The following WSCD2 variants were observed in gnomAD, a reference collection of about 807,000 sequenced individuals.
WSCD2 encodes sialate:O-sulfotransferase 2.
A neutral mutation model predicts 55.7 loss-of-function variants in WSCD2; 28 were observed. That is an observed-to-expected ratio of 0.50 (90% CI 0.37 to 0.69). WSCD2 has a LOEUF of 0.69. WSCD2 is among the 30% of genes least tolerant of loss of function. WSCD2 has a pLI of 0.00. For missense variants in WSCD2, 616 were observed against 762.1 expected (o/e 0.81, Z 2.26); for synonymous variants, 301 against 301.9 (o/e 1.00, Z 0.03).
intron 2 of WSCD2, among the ~76,000 whole-genome samples, chr12:108,197,392 C>T (rs1884063136): frequency 9.5e-6 from 1 of 105,722 alleles, no homozygotes; most frequent in African/African-American, 4.0e-5. Flanking sequence ...TCTTCAAGAA[C>T]CAATGCTCAC....
In WSCD2 at chr12:108,193,367, T is replaced by G. The variant is rs189219371; in HGVS notation, c.-551-1915T>G. ...AAAGCAGGGACTGTGAATTATTTAT[T>G]CCTGCATCTCAAACACACACATAGT... is the stretch of plus-strand genomic sequence containing the variant. On this transcript the variant is annotated intron_variant, in intron 1 of 8. Coordinates refer to ENST00000547525, the MANE Select transcript of WSCD2 (RefSeq NM_014653.4). Among the ~76,000 whole-genome samples, 44 of 152,364 alleles carry G rather than the reference T, an allele frequency of 2.9e-4. 1 individual carries two copies. The highest frequency in any genetic ancestry group is 1.2e-3 in the Admixed American group (18 of 15,304).
At chr12:108,194,177 TGA>T (rs1345170790) in intron 1 of WSCD2, among the ~76,000 whole-genome samples, 6 of 152,386 alleles carry the variant, frequency 3.9e-5, no homozygotes, top group Admixed American at 3.9e-4. Context: ...TACCATTATC[TGA>T]GAGCACCTGG....
At chr12:108,218,463 G>A (rs960766685) in intron 4 of WSCD2, among the ~76,000 whole-genome samples, 13 of 152,192 alleles carry the variant, frequency 8.5e-5, no homozygotes, top group Non-Finnish European at 1.5e-5. Flanking sequence ...GCTAGGATGG[G>A]TCCCCTGAAG....
At chr12:108,156,420 T>C (rs1565922296) in intron 1 of WSCD2, among the ~76,000 whole-genome samples, 1 of 152,232 alleles carries the variant, frequency 6.6e-6, no homozygotes, top group Admixed American at 6.5e-5. Flanking sequence ...ATCCATGTAC[T>C]GGCTGGTGCA....
chr12:108,215,609 A>T (rs542864010), intron 4 of WSCD2, among the ~76,000 whole-genome samples: 1 of 152,306 alleles, frequency 6.6e-6, no homozygotes, highest in East Asian at 1.9e-4. Flanking sequence ...TGTGTAATTC[A>T]ATCTCTCTCT....
chr12:108,157,051 T>C (rs1215465676), intron 1 of WSCD2, among the ~76,000 whole-genome samples: 1 of 152,202 alleles, frequency 6.6e-6, no homozygotes, highest in African/African-American at 2.4e-5. Context: ...AGCTCACCAA[T>C]GAGCTTTCAA....
At chr12:108,162,313 G>A (rs1249097915) in intron 1 of WSCD2, among the ~76,000 whole-genome samples, 3 of 152,140 alleles carry the variant, frequency 2.0e-5, no homozygotes, top group Non-Finnish European at 4.4e-5. Context: ...TGTTCATAGG[G>A]AGGAGTCACC....
intron 6 of WSCD2, among the ~76,000 whole-genome samples, chr12:108,229,865 G>GAAAAA (rs199775108): frequency 8.5e-6 from 1 of 117,248 alleles, no homozygotes; most frequent in Non-Finnish European, 1.8e-5. Context: ...TTTTGCTCTG[G>GAAAAA]AAAAAAAAAA....
chr12:108,234,424 T>A (rs1396722942), intron 7 of WSCD2, among the ~76,000 whole-genome samples: 1 of 152,246 alleles, frequency 6.6e-6, no homozygotes, highest in East Asian at 1.9e-4. Flanking sequence ...TGGTTGGAGT[T>A]GGCAACGGGT....
chr12:108,199,895 A>G (rs914085710), intron 2 of WSCD2, among the ~76,000 whole-genome samples: 2 of 152,224 alleles, frequency 1.3e-5, no homozygotes, highest in African/African-American at 2.4e-5. Flanking sequence ...CAGAAAGTAC[A>G]TGCCAGCTAT....
intron 1 of WSCD2, among the ~76,000 whole-genome samples, chr12:108,166,777 C>CTTTCTT (rs1565928905): frequency 3.7e-5 from 5 of 136,364 alleles, no homozygotes; most frequent in African/African-American, 1.4e-4. Flanking sequence ...TTCTTTCTTT[C>CTTTCTT]TTTCTTTCTT....
chr12:108,151,834 C>A (rs1469620497), intron 1 of WSCD2, among the ~76,000 whole-genome samples: 1 of 152,232 alleles, frequency 6.6e-6, no homozygotes, highest in Non-Finnish European at 1.5e-5. Context: ...TAATTGCTCT[C>A]TTTGGACAGA....
Position 108,145,054 on chromosome 12 carries a change from C to A in WSCD2, c.-552+15128C>A, listed in dbSNP as rs116156887. 6.4e-3 allele frequency among the ~76,000 whole-genome samples: 980 copies of A among 152,288 alleles called. 18 individuals are homozygous for A. Among genetic ancestry groups the A allele is most frequent in the African/African-American group, 0.022 (930 of 41,556 alleles). On this transcript the variant is annotated intron_variant, in intron 1 of 8. Transcript: ENST00000547525. ...GGATCCCTGAGCAGTGAAATCCAGG[C>A]CCAGCTCTGCTACTCACTTACTATG...
At chr12:108,131,068 G>A (rs1875455570) in intron 1 of WSCD2, among the ~76,000 whole-genome samples, 1 of 152,110 alleles carries the variant, frequency 6.6e-6, no homozygotes, top group Non-Finnish European at 1.5e-5. Context: ...CAGTTCTTGG[G>A]GTGTGAGGTG....
chr12:108,207,742 C>A (rs372545072), intron 3 of WSCD2, among the ~76,000 whole-genome samples: 1 of 151,784 alleles, frequency 6.6e-6, no homozygotes, highest in African/African-American at 2.4e-5. Flanking sequence ...GCCTAGGGAG[C>A]CCACTATTAA....
At chr12:108,197,308 TG>T (rs1376044858) in intron 2 of WSCD2, 1 of 152,298 alleles carries the variant, frequency 6.6e-6, no homozygotes, top group Admixed American at 6.5e-5. Context: ...GCCCCAGTCC[TG>T]CCCCCAACCT....
At chr12:108,163,635 A>T (rs764763363) in intron 1 of WSCD2, among the ~76,000 whole-genome samples, 12 of 152,208 alleles carry the variant, frequency 7.9e-5, no homozygotes, top group Non-Finnish European at 1.6e-4. Flanking sequence ...GAGGCAGGGA[A>T]GATCCGAGTC....
chr12:108,142,021 T>C (rs946939797), intron 1 of WSCD2, among the ~76,000 whole-genome samples: 16 of 152,194 alleles, frequency 1.1e-4, no homozygotes, highest in Admixed American at 7.9e-4. Context: ...AGAGGTGAGC[T>C]TTGGAGAAAA....
chr12:108,245,967 G>A (rs781624377), intron 8 of WSCD2, among the ~76,000 whole-genome samples: 15 of 152,230 alleles, frequency 9.9e-5, no homozygotes, highest in Non-Finnish European at 1.3e-4. Context: ...GCAAAGAAAG[G>A]GAGGCCTTCG....
Sources: gnomAD v4.1 joint callset for allele counts (sites outside exome capture counted in the v4.1 genomes callset) on GRCh38, gnomAD v4.1.1 for gene constraint, MANE v1.5 for transcripts, NCBI Gene and HGNC (gene_info 2026-07-23, HGNC 2026-07-21) for gene names.